Variants in JAKMIP1 observed in about 807,000 individuals in gnomAD.
JAKMIP1 encodes the protein janus kinase and microtubule interacting protein 1.
In JAKMIP1, 33 loss-of-function variants were observed where a neutral mutation model predicts 113.0. The observed-to-expected ratio is 0.29, with a 90% confidence interval of 0.22 to 0.39. The LOEUF is 0.39. Ranked by LOEUF, JAKMIP1 falls within the 10% of genes least tolerant of loss-of-function variation. The pLI is 1.00. For missense variants in JAKMIP1, 813 were observed against 1,080.5 expected, an observed-to-expected ratio of 0.75 and a Z score of 3.47; for synonymous variants, 480 against 459.9, an observed-to-expected ratio of 1.04 and a Z score of -0.56.
At position 6,065,158 on chromosome 4, in the gene JAKMIP1, T is replaced by C. The variant is rs1424531964; in HGVS notation, c.1303-150A>G. 2 of 976,416 alleles carry C rather than the reference T, an allele frequency of 2.0e-6. No homozygotes were observed. Among genetic ancestry groups the C allele is most frequent in the African/African-American group, 3.2e-5 (2 of 62,748 alleles). The allele number at this position is 976,416 out of a possible 1,614,324, so 60.5% of individuals were successfully genotyped here. A position where few individuals can be genotyped will look rare whatever the true frequency, so the allele number is the denominator to read the frequency against. ...AGATGCGGTTGGTGGGCTTCGTAAC[T>C]GACTGGGTGGGATAAAAGGTGGCAG... is the stretch of plus-strand genomic sequence containing the variant. On this transcript the variant is annotated intron_variant, in intron 8 of 20. Coordinates refer to ENST00000409021, the MANE Select transcript of JAKMIP1 (RefSeq NM_001099433.2). The surrounding 1 kb of genome is among the most constrained non-coding windows in gnomAD (Gnocchi z 5.1).
intron 3 of JAKMIP1, among the ~76,000 whole-genome samples, chr4:6,101,489 G>C (rs1398987121): frequency 6.6e-6 from 1 of 152,052 alleles, no homozygotes; most frequent in Non-Finnish European, 1.5e-5. Context: ...TTTGTTATAG[G>C]TTGTATGAAA....
At chr4:6,027,786 T>C (rs1712059876) in intron 20 of JAKMIP1, among the ~76,000 whole-genome samples, 1 of 152,120 alleles carries the variant, frequency 6.6e-6, no homozygotes, top group African/African-American at 2.4e-5. Flanking sequence ...GAGGACATAG[T>C]GAGTGTTATT....
Position 6,130,096 on chromosome 4 carries a change from G to A in JAKMIP1, c.-147-17099C>T, listed in dbSNP as rs565715805. Among the ~76,000 whole-genome samples the A allele has an allele frequency of 1.2e-4, 18 of 152,336 alleles. No individual in the cohort carries two copies. The South Asian group carries it at 3.7e-3, about 32-fold the overall frequency. On this transcript the variant is annotated intron_variant, in intron 1 of 20. Transcript: ENST00000409021. ...TCATGCCAACCCCAGAAAGATCAGA[G>A]AAACTTCCAGTTAGGGCAATACTCT... is the stretch of plus-strand genomic sequence containing the variant.
chr4:6,160,933 G>A (rs1455889380), intron 1 of JAKMIP1, among the ~76,000 whole-genome samples: 7 of 110,886 alleles, frequency 6.3e-5, no homozygotes, highest in African/African-American at 7.7e-5. Context: ...TCACCTCCCC[G>A]ATCTCCACTT....
At chr4:6,196,891 G>A (rs945889099) in intron 1 of JAKMIP1, among the ~76,000 whole-genome samples, 50 of 151,880 alleles carry the variant, frequency 3.3e-4, no homozygotes, top group African/African-American at 1.2e-3. Context: ...GCACCAAGAA[G>A]GCTTTCTGAT....
In JAKMIP1 at chr4:6,093,538, G is replaced by A. The variant is rs1033665262; in HGVS notation, c.625-7909C>T. 6.6e-6 allele frequency among the ~76,000 whole-genome samples: 1 copy of A among 152,070 alleles called. No homozygotes were observed. The highest frequency in any genetic ancestry group is 1.5e-5 in the Non-Finnish European group (1 of 68,020). ...GTCCAGATCATGTGCTGCTTCCAAG[G>A]CTGATAACCAACCCAACGAGATGTC... is the stretch of plus-strand genomic sequence containing the variant. On this transcript the variant is annotated intron_variant, in intron 3 of 20. Coordinates refer to ENST00000409021, the MANE Select transcript of JAKMIP1 (RefSeq NM_001099433.2). This position sits in a 1 kb window ranked among gnomAD's most constrained non-coding sequence, Gnocchi z 4.6.
At chr4:6,125,902 C>A (rs200655446) in intron 1 of JAKMIP1, among the ~76,000 whole-genome samples, 1 of 24,896 alleles carries the variant, frequency 4.0e-5, no homozygotes. Flanking sequence ...CAGAAACACA[C>A]ACACACACCA....
chr4:6,112,695 C>CATAA (rs369511401), intron 2 of JAKMIP1, 27 bp downstream of exon 2: 1 of 1,605,900 alleles, frequency 6.2e-7, no homozygotes. Context: ...GCAGCCCAGC[C>CATAA]GCTGCTGAGC....
intron 5 of JAKMIP1, among the ~76,000 whole-genome samples, chr4:6,084,250 A>G (rs10804973): frequency 0.4 from 60,264 of 151,140 alleles, 12,348 homozygotes; most frequent in Non-Finnish European, 0.46. Flanking sequence ...CCGGGAGGTG[A>G]AGGTTACGGT....
intron 12 of JAKMIP1, among the ~76,000 whole-genome samples, 174 bp downstream of exon 12, chr4:6,056,523 T>C (rs936011876): frequency 6.6e-5 from 10 of 152,236 alleles, no homozygotes; most frequent in Non-Finnish European, 1.0e-4. Flanking sequence ...ACCACAGATG[T>C]GGCTTTGATT....
chr4:6,038,131 A>G (rs1185674526), intron 18 of JAKMIP1, among the ~76,000 whole-genome samples: 24 of 128,158 alleles, frequency 1.9e-4, no homozygotes, highest in Admixed American at 1.5e-4. Context: ...GTAGCCCTCC[A>G]TCACTGAGGC....
rs1460794049 is a variant in JAKMIP1 at position 6,031,150 on chromosome 4, G to T, written c.2380-1369C>A. On this transcript the variant is annotated intron_variant, in intron 19 of 20. Transcript: ENST00000409021. The surrounding 1 kb of genome is among the most constrained non-coding windows in gnomAD (Gnocchi z 4.4). ...CAAACACCATCAAGAAAACCAAGAG[G>T]GGCTGGGCACGGTGGCTCAAGCCTG... 2.0e-5 allele frequency among the ~76,000 whole-genome samples: 3 copies of T among 152,160 alleles called. No homozygotes were observed. Among genetic ancestry groups the T allele is most frequent in the East Asian group, 1.9e-4 (1 of 5,182 alleles).
chr4:6,079,033 A>G (rs371776943), intron 7 of JAKMIP1, 35 bp from the exon 8 acceptor site: 160 of 1,612,824 alleles, frequency 9.9e-5, no homozygotes, highest in Non-Finnish European at 1.3e-4. Context: ...ATTTCCAGCC[A>G]GCCTCACATC....
Position 6,119,342 on chromosome 4 carries a change from G to C in JAKMIP1, c.-147-6345C>G, listed in dbSNP as rs144017323. ...GTGGATCACCTGAGGTTGGGAGTTCGAGACTAGCCTGACCCAACATGAAGA... is the reference window on the plus strand; with the variant it reads ...GTGGATCACCTGAGGTTGGGAGTTCCAGACTAGCCTGACCCAACATGAAGA... On this transcript the variant is annotated intron_variant, in intron 1 of 20. Transcript: ENST00000409021. Among the ~76,000 whole-genome samples the C allele has an allele frequency of 2.1e-3, 315 of 152,050 alleles. 3 individuals carry two copies. The highest frequency in any genetic ancestry group is 7.1e-3 in the African/African-American group (295 of 41,470).
At position 6,154,653 on chromosome 4, in the gene JAKMIP1, T is replaced by C. The variant is rs1402908230; in HGVS notation, c.-147-41656A>G. Among the ~76,000 whole-genome samples, 1 of 151,674 alleles carries C rather than the reference T, an allele frequency of 6.6e-6. No individual in the cohort carries two copies. Among genetic ancestry groups the C allele is most frequent in the Non-Finnish European group, 1.5e-5 (1 of 67,940 alleles). On this transcript the variant is annotated intron_variant, in intron 1 of 20. Transcript: ENST00000409021. The surrounding 1 kb of genome is among the most constrained non-coding windows in gnomAD (Gnocchi z 4.2). ...ACTGCACGCAGGGACTGTGCCCAAC[T>C]CTGCAGCCCTGGCAAATGGAATTCT...
In JAKMIP1 at chr4:6,150,766, C is replaced by T. The variant is rs1247508444; in HGVS notation, c.-147-37769G>A. ...AAGGCAGGCCTCTAAAATCAGCTTC[C>T]TAGACCATGGCGGGAAGAAGAAAAC... On this transcript the variant is annotated intron_variant, in intron 1 of 20. Transcript: ENST00000409021. The surrounding 1 kb of genome is among the most constrained non-coding windows in gnomAD (Gnocchi z 4.8). Among the ~76,000 whole-genome samples, 1 of 152,186 alleles carries T rather than the reference C, an allele frequency of 6.6e-6. No individual in the cohort carries two copies. Among genetic ancestry groups the T allele is most frequent in the Non-Finnish European group, 1.5e-5 (1 of 68,026 alleles).
rs1178842633 is a variant in JAKMIP1, at chr4:6,135,794, CT to C, written c.-147-22798del. Among the ~76,000 whole-genome samples, 1 of 152,078 alleles carries C rather than the reference CT, an allele frequency of 6.6e-6. No homozygotes were observed. Among genetic ancestry groups the C allele is most frequent in the Non-Finnish European group, 1.5e-5 (1 of 68,024 alleles). ...CCACTGGTTCTTCCCCTAAACCACA[CT>C]GCCCAGCACAATGCTGGCTCACACA... is the stretch of plus-strand genomic sequence containing the variant. On this transcript the variant is annotated intron_variant, in intron 1 of 20. Coordinates refer to ENST00000409021, the MANE Select transcript of JAKMIP1 (RefSeq NM_001099433.2). This position sits in a 1 kb window ranked among gnomAD's most constrained non-coding sequence, Gnocchi z 4.9.
chr4:6,080,582 T>C lies in JAKMIP1; in HGVS notation c.1102-270A>G, dbSNP rs1021596946. Among the ~76,000 whole-genome samples, 1 of 152,170 alleles carries C rather than the reference T, an allele frequency of 6.6e-6. No individual in the cohort carries two copies. The highest frequency in any genetic ancestry group is 1.5e-5 in the Non-Finnish European group (1 of 68,030). The stretch of plus-strand genomic sequence containing the variant: ...CTCATACTATTCTCGTGGTTGTGAA[T>C]AAGTCTCTGATGTTTTTATAAGGGT... On this transcript the variant is annotated intron_variant, in intron 6 of 20. Coordinates refer to ENST00000409021, the MANE Select transcript of JAKMIP1 (RefSeq NM_001099433.2). The surrounding 1 kb of genome is among the most constrained non-coding windows in gnomAD (Gnocchi z 6.0).
At chr4:6,083,128 C>T (rs570059844) in intron 5 of JAKMIP1, among the ~76,000 whole-genome samples, 3 of 152,128 alleles carry the variant, frequency 2.0e-5, no homozygotes, top group South Asian at 2.1e-4. Flanking sequence ...TGAGGCCAGG[C>T]GCGGTGGCTC....
Sources: allele counts gnomAD v4.1 joint callset (sites outside exome capture counted in the v4.1 genomes callset), GRCh38; gene constraint gnomAD v4.1.1; non-coding constraint Gnocchi (gnomAD v3.1); transcripts MANE v1.5; gene names NCBI Gene and HGNC (gene_info 2026-07-23, HGNC 2026-07-21).